Variants in SPEG observed in about 807,000 individuals in gnomAD.
The protein encoded by SPEG is striated muscle preferentially expressed protein kinase.
SPEG carries 114 observed loss-of-function variants against 300.4 expected under a neutral mutation model. The observed-to-expected ratio is 0.38, with a 90% CI of 0.33 to 0.44. SPEG has a LOEUF of 0.44. SPEG is among the 20% of genes least tolerant of loss of function. SPEG has a pLI of 1.00. For missense variants in SPEG, 4,201 were observed against 4,586.2 expected, an observed-to-expected ratio of 0.92 and a Z score of 2.43; for synonymous variants, 1,964 against 2,018.9, an observed-to-expected ratio of 0.97 and a Z score of 0.73.
Position 219,480,469 on chromosome 2 carries a change from C to A in SPEG, c.5343-202C>A, listed in dbSNP as rs562385114. On this transcript the variant is annotated intron_variant, in intron 25 of 40. Coordinates refer to ENST00000312358, the MANE Select transcript of SPEG (RefSeq NM_005876.5). This position sits in a 1 kb window ranked among gnomAD's most constrained non-coding sequence, Gnocchi z 5.3. Reference sequence around the variant, plus strand: ...GCTTCCCTGGGCTTCCTGGGCCAGCCCTGCCATGACCCTGGACTTCTCCAG... The same window carrying A: ...GCTTCCCTGGGCTTCCTGGGCCAGCACTGCCATGACCCTGGACTTCTCCAG... 6.6e-6 allele frequency among the ~76,000 whole-genome samples: 1 copy of A among 152,110 alleles called. No homozygotes were observed. Among genetic ancestry groups the A allele is most frequent in the Non-Finnish European group, 1.5e-5 (1 of 67,994 alleles).
intron 33 of SPEG, 30 bp from the exon 34 acceptor site, chr2:219,488,748 G>C: frequency 6.2e-7 from 1 of 1,611,954 alleles, no homozygotes; most frequent in East Asian, 2.2e-5. Flanking sequence ...GGGTATAGGG[G>C]CTCACTGGGA....
In SPEG at chr2:219,469,367, C is replaced by T. The variant is rs753756338; in HGVS notation, c.3703C>T (p.Arg1235Cys). 24 of 1,613,296 alleles carry T rather than the reference C, an allele frequency of 1.5e-5. No individual in the cohort carries two copies. The highest frequency in any genetic ancestry group is 2.2e-5 in the East Asian group (1 of 44,878). ...GHRIQSSDDR[R>C]MTQYRDVHRL... ...CCGCATCCAGAGCAGCGACGACCGGCGCATGACACAGTGTACGTGTCTGGG... is the reference window on the plus strand; with the variant it reads ...CCGCATCCAGAGCAGCGACGACCGGTGCATGACACAGTGTACGTGTCTGGG... Residue 1235 changes from arginine (R) to cysteine (C), a missense_variant, in exon 13 of 41, where the codon CGC (arginine) becomes TGC (cysteine). Coordinates refer to ENST00000312358, the MANE Select transcript of SPEG (RefSeq NM_005876.5).
In SPEG at chr2:219,469,332, A is replaced by G. The variant is rs747773884; in HGVS notation, c.3668A>G (p.His1223Arg). The change falls in exon 13 of 41, where the codon CAC (histidine) becomes CGC (arginine). Residue 1223 changes from histidine to arginine, a missense_variant. Transcript: ENST00000312358. Reference protein sequence around the residue: ...GLPYPTISWFHNGHRIQSSDD... With the variant: ...GLPYPTISWFRNGHRIQSSDD... The stretch of plus-strand genomic sequence containing the variant: ...CCCTACCCCACCATCAGCTGGTTCC[A>G]CAATGGCCACCGCATCCAGAGCAGC... 5 of 1,613,900 alleles carry G rather than the reference A, an allele frequency of 3.1e-6. No individual in the cohort carries two copies. Among genetic ancestry groups the G allele is most frequent in the Non-Finnish European group, 4.2e-6 (5 of 1,179,972 alleles).
rs772918797 is a variant in SPEG, at chr2:219,445,102, C to A, written c.756C>A (p.Ala252=). Residue 252 remains alanine, a synonymous_variant, in exon 3 of 41, where the codon GCC becomes GCA. Coordinates refer to ENST00000312358, the MANE Select transcript of SPEG (RefSeq NM_005876.5). This position sits in a 1 kb window ranked among gnomAD's most constrained non-coding sequence, Gnocchi z 6.1. ...GGTCAGAGGATAGCCTTTCCGTGGC[C>A]AGTGACCTGTACGGCAGCGCATTCA... is the stretch of plus-strand genomic sequence containing the variant. The part of the protein sequence containing the change: ...SWGSEDSLSV[A]SDLYGSAFSL... 6 of 1,600,928 alleles carry A rather than the reference C, an allele frequency of 3.7e-6. No individual in the cohort carries two copies. In the African/African-American group the frequency reaches 8.0e-5, roughly 21 times the overall value.
Position 219,489,143 on chromosome 2 carries a change from C to T in SPEG, c.8239C>T (p.Arg2747Cys), listed in dbSNP as rs757903145. 37 of 1,613,880 alleles carry T rather than the reference C, an allele frequency of 2.3e-5. No individual in the cohort carries two copies. The highest frequency in any genetic ancestry group is 3.1e-5 in the Non-Finnish European group (36 of 1,179,982). ...GCCAGTTGGCGTGACTGTGAGGTTC[C>T]GTGTGGCCTGTGCCAACCGTGCTGG... Reference protein sequence around the residue: ...HLPVGVTVRFRVACANRAGQG... With the variant: ...HLPVGVTVRFCVACANRAGQG... Residue 2747 changes from arginine to cysteine, a missense_variant, in exon 35 of 41, where the codon CGT (arginine) becomes TGT (cysteine). This residue lies in a region of SPEG where 1,578 missense variants were observed against 1,506.0 expected (regional missense o/e 1.05). Coordinates refer to ENST00000312358, the MANE Select transcript of SPEG (RefSeq NM_005876.5).
intron 31 of SPEG, among the ~76,000 whole-genome samples, chr2:219,487,273 C>G (rs1179104151): frequency 5.9e-5 from 9 of 152,204 alleles, no homozygotes; most frequent in Non-Finnish European, 1.3e-4. Context: ...GCACAGCCAC[C>G]AGCTAGCTGT....
At chr2:219,486,120 C>A (rs554473717) in intron 31 of SPEG, among the ~76,000 whole-genome samples, 4 of 152,384 alleles carry the variant, frequency 2.6e-5, no homozygotes, top group Non-Finnish European at 5.9e-5. Flanking sequence ...CCCTTCTGCA[C>A]AGAAAAGCAG....
At chr2:219,466,545 C>G (rs1691379580) in intron 9 of SPEG, 1 of 1,062,038 alleles carries the variant, frequency 9.4e-7, no homozygotes, top group African/African-American at 1.7e-5. Context: ...TTGACAAAGG[C>G]CTTACCAGGA....
intron 13 of SPEG, among the ~76,000 whole-genome samples, chr2:219,470,002 G>A (rs1691730460): frequency 6.6e-6 from 1 of 152,180 alleles, no homozygotes; most frequent in East Asian, 1.9e-4. Context: ...GAGCATCTCA[G>A]TTCCATCCTT....
Position 219,480,132 on chromosome 2 carries a change from T to A in SPEG, c.5334T>A (p.Thr1778=), listed in dbSNP as rs755790647. 1 of 1,613,714 alleles carries A rather than the reference T, an allele frequency of 6.2e-7. No homozygotes were observed. Among genetic ancestry groups the A allele is most frequent in the African/African-American group, 1.3e-5 (1 of 75,026 alleles). Residue 1778 remains threonine (T), a synonymous_variant, in exon 25 of 41, where the codon ACT becomes ACA. Transcript: ENST00000312358. This position sits in a 1 kb window ranked among gnomAD's most constrained non-coding sequence, Gnocchi z 5.3. ...IVNQSPVSGV[T]DIWPVGVVAF... Reference sequence around the variant, plus strand: ...ATCAGAGCCCCGTGTCTGGAGTCACTGACATCTGGTAAGGCTGGCATGCTG... The same window carrying A: ...ATCAGAGCCCCGTGTCTGGAGTCACAGACATCTGGTAAGGCTGGCATGCTG...
rs1376819630 is a variant in SPEG, at chr2:219,484,732, G to A, written c.7269G>A (p.Ala2423=). 19 of 1,489,716 alleles carry A rather than the reference G, an allele frequency of 1.3e-5. No individual in the cohort carries two copies. In the East Asian group the frequency reaches 4.9e-4, roughly 38 times the overall value. The allele number at this position is 1,489,716 out of a possible 1,614,324, so 92.3% of individuals were successfully genotyped here. A position where few individuals can be genotyped will look rare whatever the true frequency, so the allele number is the denominator to read the frequency against. Residue 2423 remains alanine (A), a synonymous_variant, in exon 30 of 41, where the codon GCG becomes GCA. Transcript: ENST00000312358. The stretch of plus-strand genomic sequence containing the variant: ...AGCGGCTGCGGCGGACCCCTCCCGC[G>A]CAGCGCCACCCGGCCTGGGAGGCCC... ...LSQRLRRTPP[A]QRHPAWEARG...
At chr2:219,442,799 G>C (rs1281477792) in intron 1 of SPEG, among the ~76,000 whole-genome samples, 1 of 151,908 alleles carries the variant, frequency 6.6e-6, no homozygotes, top group Non-Finnish European at 1.5e-5. Context: ...CCTGGTCCCG[G>C]GCTGTTGCCC....
In SPEG at chr2:219,460,651, C is replaced by T. The variant is rs570383612; in HGVS notation, c.2441-1231C>T. On this transcript the variant is annotated intron_variant, in intron 6 of 40. Coordinates refer to ENST00000312358, the MANE Select transcript of SPEG (RefSeq NM_005876.5). The stretch of plus-strand genomic sequence containing the variant: ...AGCAGAGTGGCTAAATCCAGACGGC[C>T]GCGCTCCGCCCTCCCTCCCCTCTCC... 936 of 985,480 alleles carry T rather than the reference C, an allele frequency of 9.5e-4. 1 individual carries two copies. Among genetic ancestry groups the T allele is most frequent in the Non-Finnish European group, 1.1e-3 (905 of 830,058 alleles). The allele number at this position is 985,480 out of a possible 1,614,324, so 61.0% of individuals were successfully genotyped here. A position where few individuals can be genotyped will look rare whatever the true frequency, so the allele number is the denominator to read the frequency against.
intron 31 of SPEG, among the ~76,000 whole-genome samples, chr2:219,486,555 G>C (rs902028370): frequency 6.6e-5 from 10 of 152,162 alleles, no homozygotes; most frequent in South Asian, 4.1e-4. Flanking sequence ...AAAGCGATCA[G>C]CCAGCAGAGA....
intron 29 of SPEG, 82 bp downstream of exon 29, chr2:219,482,934 C>T: frequency 1.4e-6 from 2 of 1,453,596 alleles, no homozygotes; most frequent in Non-Finnish European, 1.9e-6. Flanking sequence ...GGGCCTTCAT[C>T]TCCTGCTCCT....
chr2:219,466,130 C>G (rs1205023396), intron 9 of SPEG: 6 of 1,566,778 alleles, frequency 3.8e-6, no homozygotes, highest in Admixed American at 3.6e-5. Context: ...AGGCACCTCT[C>G]GGACCTCGCT....
chr2:219,476,925 T>C lies in SPEG; in HGVS notation c.4503T>C (p.Thr1501=), dbSNP rs1489963121. The change falls in exon 19 of 41, where the codon ACT becomes ACC. Residue 1501 remains threonine (T), a synonymous_variant. Coordinates refer to ENST00000312358, the MANE Select transcript of SPEG (RefSeq NM_005876.5). ...ACGTGGAGGTGGGGGCTGGGGAAAC[T>C]GCTCGCTTTGCGGTGGTGGTCGAGG... is the stretch of plus-strand genomic sequence containing the variant. ...MEDVEVGAGE[T]ARFAVVVEGK... 1 of 1,613,242 alleles carries C rather than the reference T, an allele frequency of 6.2e-7. No individual in the cohort carries two copies. Among genetic ancestry groups the C allele is most frequent in the Non-Finnish European group, 8.5e-7 (1 of 1,179,794 alleles).
rs1693620680 is a variant in SPEG, at chr2:219,488,201, C to T, written c.7749C>T (p.Pro2583=). Residue 2583 remains proline (P), a synonymous_variant, in exon 32 of 41, where the codon CCC becomes CCT. Transcript: ENST00000312358. ...TCTCTGCTTTTCCTCCAGACTTCCCCCCAGTCTTCCACATCAAACTCAAGG... is the reference window on the plus strand; with the variant it reads ...TCTCTGCTTTTCCTCCAGACTTCCCTCCAGTCTTCCACATCAAACTCAAGG... ...HQYVRSESDF[P]PVFHIKLKDQ... 1 of 1,611,768 alleles carries T rather than the reference C, an allele frequency of 6.2e-7. No individual in the cohort carries two copies. Among genetic ancestry groups the T allele is most frequent in the African/African-American group, 1.3e-5 (1 of 74,858 alleles).
chr2:219,451,546 T>C lies in SPEG; in HGVS notation c.2258-79T>C, dbSNP rs1392295896. ...GAGAGGAGAGGTTTGGTCTCCTGTG[T>C]GGTGTGTGGGGTAGGAGTAGAGATT... On this transcript the variant is annotated intron_variant, in intron 5 of 40. Transcript: ENST00000312358. This position sits in a 1 kb window ranked among gnomAD's most constrained non-coding sequence, Gnocchi z 6.4. 1 of 1,349,036 alleles carries C rather than the reference T, an allele frequency of 7.4e-7. No individual in the cohort carries two copies. Among genetic ancestry groups the C allele is most frequent in the Non-Finnish European group, 9.8e-7 (1 of 1,020,798 alleles). The allele number at this position is 1,349,036 out of a possible 1,614,324, so 83.6% of individuals were successfully genotyped here.
Sources: allele counts gnomAD v4.1 joint callset (sites outside exome capture counted in the v4.1 genomes callset), GRCh38; gene constraint gnomAD v4.1.1; regional missense constraint gnomAD v4.1.1; non-coding constraint Gnocchi (gnomAD v3.1); transcripts MANE v1.5; gene names NCBI Gene and HGNC (gene_info 2026-07-23, HGNC 2026-07-21).